Variants in RBBP8 observed in about 807,000 individuals in gnomAD.
RBBP8 encodes RB binding protein 8, endonuclease.
In RBBP8, 88 loss-of-function variants were observed where a neutral mutation model predicts 108.3. That is an observed-to-expected ratio of 0.81 (90% CI 0.68 to 0.97). The LOEUF (loss-of-function observed/expected upper bound fraction) is 0.97. Among genes scored for constraint, RBBP8 ranks in the 50% least tolerant of loss-of-function variants. The pLI, the probability that RBBP8 is intolerant of heterozygous loss-of-function variation, is 0.00. For synonymous variants in RBBP8, 332 were observed against 348.2 expected (o/e 0.95, Z 0.52); for missense variants, 1,023 against 1,049.0 (o/e 0.98, Z 0.34).
chr18:22,968,931 T>C lies in RBBP8; in HGVS notation c.361+13T>C, dbSNP rs774584713. 28 of 1,560,998 alleles carry C rather than the reference T, an allele frequency of 1.8e-5. No homozygotes were observed. In the Middle Eastern group the frequency reaches 5.1e-4, roughly 28 times the overall value. On this transcript the variant is annotated intron_variant, in intron 5 of 18. Coordinates refer to ENST00000327155, the MANE Select transcript of RBBP8 (RefSeq NM_002894.3). ...ATTACAGAACTTAGTGAGTTTCCTT[T>C]CTTCATTTATTATTTAAAGTATGTA...
At chr18:23,016,777 A>G (rs1009912068) in intron 16 of RBBP8, 51 bp from the exon 17 acceptor site, 2 of 1,286,228 alleles carry the variant, frequency 1.6e-6, no homozygotes, top group East Asian at 4.6e-5. Flanking sequence ...TTTGGGGATT[A>G]TTTCTCCTCT....
intron 2 of RBBP8, among the ~76,000 whole-genome samples, chr18:22,941,294 C>G (rs945203025): frequency 8.6e-5 from 13 of 151,836 alleles, no homozygotes; most frequent in Non-Finnish European, 1.8e-4. Context: ...GGCTCAGCCC[C>G]GCAAGTAGCT....
At chr18:23,013,726 G>A (rs1268297806) in intron 16 of RBBP8, among the ~76,000 whole-genome samples, 1 of 152,204 alleles carries the variant, frequency 6.6e-6, no homozygotes, top group African/African-American at 2.4e-5. Context: ...GTTTTACAAA[G>A]GTGGTTTCAG....
chr18:23,023,006 T>C (rs1454045611), intron 18 of RBBP8, among the ~76,000 whole-genome samples: 3 of 151,790 alleles, frequency 2.0e-5, no homozygotes, highest in African/African-American at 4.8e-5. Context: ...GGGCTCAAAC[T>C]CTACCTCAGC....
intron 1 of RBBP8, among the ~76,000 whole-genome samples, chr18:22,914,705 A>T (rs1488490838): frequency 1.3e-5 from 2 of 152,196 alleles, no homozygotes; most frequent in African/African-American, 4.8e-5. Flanking sequence ...ATAAATAATA[A>T]TTGCCCTTTT....
At chr18:22,934,933 G>A (rs1976190980) in intron 1 of RBBP8, among the ~76,000 whole-genome samples, 1 of 149,450 alleles carries the variant, frequency 6.7e-6, no homozygotes, top group Non-Finnish European at 1.5e-5. Flanking sequence ...AGGTTAGGTA[G>A]AATATAAATA....
intron 4 of RBBP8, among the ~76,000 whole-genome samples, chr18:22,950,819 G>A (rs893063135): frequency 2.0e-5 from 3 of 152,144 alleles, no homozygotes; most frequent in Non-Finnish European, 4.4e-5. Flanking sequence ...ACTGAGACGG[G>A]AGGATTGCTT....
At chr18:22,973,071 G>C (rs531347967) in intron 5 of RBBP8, among the ~76,000 whole-genome samples, 1 of 152,186 alleles carries the variant, frequency 6.6e-6, no homozygotes, top group East Asian at 1.9e-4. Flanking sequence ...TGACTCCTAC[G>C]TCAAAACTTT....
At chr18:22,916,218 C>T (rs1329495433) in intron 2 of RBBP8, among the ~76,000 whole-genome samples, 1 of 151,794 alleles carries the variant, frequency 6.6e-6, no homozygotes, top group Non-Finnish European at 1.5e-5. Flanking sequence ...TTTCGCATAA[C>T]TCTTTCTGTC....
At position 23,022,213 on chromosome 18, in the gene RBBP8, A is replaced by G. The variant is rs1256673839; in HGVS notation, c.2539A>G (p.Thr847Ala). The change falls in exon 18 of 19, where the codon ACA (threonine) becomes GCA (alanine). Residue 847 changes from threonine to alanine, a missense_variant. Thr to Ala is a moderately conservative substitution (Grantham distance 58). Transcript: ENST00000327155. ...CCGATTCCGCTACATTCCACCCAAC[A>G]CACCAGAGAATTTTTGGGAAGTTGG... ...RHRFRYIPPN[T>A]PENFWEVGFP... The G allele has an allele frequency of 6.2e-6, 10 of 1,612,348 alleles. No homozygotes were observed. Among genetic ancestry groups the G allele is most frequent in the Non-Finnish European group, 8.5e-6 (10 of 1,178,506 alleles).
chr18:23,005,823 A>C (rs566231138), intron 15 of RBBP8, among the ~76,000 whole-genome samples: 6 of 152,272 alleles, frequency 3.9e-5, no homozygotes, highest in Admixed American at 3.3e-4. Context: ...AATGACTTTT[A>C]GCTGTCTAGT....
At chr18:23,024,247 G>C (rs927246975) in intron 18 of RBBP8, among the ~76,000 whole-genome samples, 2 of 151,568 alleles carry the variant, frequency 1.3e-5, no homozygotes, top group African/African-American at 2.4e-5. Flanking sequence ...GACTTTTTTT[G>C]TATGTGGCAC....
chr18:22,916,918 T>C (rs559663081), intron 2 of RBBP8: 9 of 152,298 alleles, frequency 5.9e-5, no homozygotes, highest in Admixed American at 5.2e-4. Context: ...TAAGTTAATA[T>C]AGTATTCTTT....
chr18:23,005,204 A>G (rs2144761719), intron 15 of RBBP8, among the ~76,000 whole-genome samples: 1 of 151,412 alleles, frequency 6.6e-6, no homozygotes, highest in East Asian at 2.0e-4. Context: ...GAAGGAATAA[A>G]TTGTAGTGTT....
At chr18:22,946,277 T>C in intron 2 of RBBP8, 167 bp from the exon 3 acceptor site, 1 of 772,412 alleles carries the variant, frequency 1.3e-6, no homozygotes, top group South Asian at 1.9e-5. Context: ...AAGCAATACA[T>C]TGCAGATATG....
intron 1 of RBBP8, among the ~76,000 whole-genome samples, chr18:22,936,129 A>T (rs116164634): frequency 0.049 from 7,425 of 152,152 alleles, 355 homozygotes; most frequent in African/African-American, 0.12. Context: ...TAATTGAGAC[A>T]GGGTCTCTGT....
At chr18:23,009,953 G>A (rs1182351855) in intron 16 of RBBP8, among the ~76,000 whole-genome samples, 4 of 152,144 alleles carry the variant, frequency 2.6e-5, no homozygotes, top group African/African-American at 7.2e-5. Context: ...GTGGAGATGG[G>A]GTTTCACCAT....
At chr18:22,940,157 A>G (rs1398984752) in intron 2 of RBBP8, among the ~76,000 whole-genome samples, 1 of 151,978 alleles carries the variant, frequency 6.6e-6, no homozygotes, top group African/African-American at 2.4e-5. Flanking sequence ...ACTTTAGGAC[A>G]GATTTCTCTA....
At chr18:22,975,944 A>G (rs1025547345) in intron 6 of RBBP8, among the ~76,000 whole-genome samples, 3 of 152,104 alleles carry the variant, frequency 2.0e-5, no homozygotes, top group Non-Finnish European at 4.4e-5. Flanking sequence ...CAGAGCAGAG[A>G]TATGACTAAC....
Sources: allele counts gnomAD v4.1 joint callset (sites outside exome capture counted in the v4.1 genomes callset), GRCh38; gene constraint gnomAD v4.1.1; transcripts MANE v1.5; gene names NCBI Gene and HGNC (gene_info 2026-07-23, HGNC 2026-07-21).